Variants in EMP2 observed in about 807,000 individuals in gnomAD.
EMP2 encodes epithelial membrane protein 2.
In EMP2, 19 loss-of-function variants were observed where a neutral mutation model predicts 13.7. The observed-to-expected ratio is 1.38, with a 90% CI of 0.97 to 2.03. The LOEUF (loss-of-function observed/expected upper bound fraction) is 2.03. Among genes scored for constraint, EMP2 ranks in the 30% most tolerant of loss-of-function variants. The pLI, the probability that EMP2 is intolerant of heterozygous loss-of-function variation, is 0.00. For synonymous variants in EMP2, 97 were observed against 84.7 expected (o/e 1.15, Z -0.80); for missense variants, 253 against 220.7 (o/e 1.15, Z -0.93).
rs2050600499 is a variant in EMP2 at position 10,531,343 on chromosome 16, C to CTT, written c.*1560_*1561dup. On this transcript the variant is annotated 3_prime_UTR_variant, in exon 5 of 5. Transcript: ENST00000359543. ...GTAATTAGTTTCTTTTCTTTTTTTTCTTTTTTTGAGATGGAGTCTCACTCT... is the reference window on the plus strand; with the variant it reads ...GTAATTAGTTTCTTTTCTTTTTTTTCTTTTTTTTTGAGATGGAGTCTCACTCT... 1.3e-5 allele frequency: 2 copies of CTT among 150,706 alleles called. No homozygotes were observed. Among genetic ancestry groups the CTT allele is most frequent in the African/African-American group, 4.9e-5 (2 of 40,546 alleles). The allele number at this position is 150,706 out of a possible 1,614,324, so 9.3% of individuals were successfully genotyped here. A position where few individuals can be genotyped will look rare whatever the true frequency, so the allele number is the denominator to read the frequency against.
chr16:10,565,222 G>A (rs903067629), intron 1 of EMP2, among the ~76,000 whole-genome samples: 6 of 152,206 alleles, frequency 3.9e-5, no homozygotes, highest in African/African-American at 1.4e-4. Context: ...CTGGTCCAAC[G>A]AAAGCATCTC....
intron 3 of EMP2, among the ~76,000 whole-genome samples, chr16:10,541,307 G>C (rs2142175574): frequency 6.6e-6 from 1 of 152,226 alleles, no homozygotes; most frequent in South Asian, 2.1e-4. Flanking sequence ...AGTAAAAAAA[G>C]TTGGCAAACT....
chr16:10,576,313 T>C (rs1463817493), intron 1 of EMP2, among the ~76,000 whole-genome samples: 3 of 152,164 alleles, frequency 2.0e-5, no homozygotes, highest in African/African-American at 2.4e-5. Flanking sequence ...CTTTGGTTCT[T>C]ATTTATTCAC....
chr16:10,569,996 C>T (rs987940741), intron 1 of EMP2, among the ~76,000 whole-genome samples: 3 of 152,162 alleles, frequency 2.0e-5, no homozygotes, highest in Non-Finnish European at 4.4e-5. Flanking sequence ...GCCTCCCCTT[C>T]AATGCTCACC....
At chr16:10,556,780 A>G (rs1334125802) in intron 1 of EMP2, among the ~76,000 whole-genome samples, 2 of 152,234 alleles carry the variant, frequency 1.3e-5, no homozygotes, top group Admixed American at 1.3e-4. Flanking sequence ...GTTCTGGGTG[A>G]TTTGCCAAAA....
chr16:10,565,353 G>A (rs2050900467), intron 1 of EMP2, among the ~76,000 whole-genome samples: 1 of 152,144 alleles, frequency 6.6e-6, no homozygotes, highest in Admixed American at 6.6e-5. Flanking sequence ...TCCCTAACGG[G>A]CTATGCCTCA....
At chr16:10,547,855 A>G (rs2050751714) in intron 1 of EMP2, among the ~76,000 whole-genome samples, 178 bp from the exon 2 acceptor site, 1 of 152,126 alleles carries the variant, frequency 6.6e-6, no homozygotes, top group South Asian at 2.1e-4. Context: ...CAACATAGTA[A>G]GACACTGTCT....
intron 1 of EMP2, among the ~76,000 whole-genome samples, chr16:10,564,498 A>C (rs2050894098): frequency 6.6e-6 from 1 of 151,382 alleles, no homozygotes; most frequent in South Asian, 2.1e-4. Flanking sequence ...CTCAAAAAAA[A>C]AAAAAAAAAA....
At chr16:10,540,868 G>A (rs773560341) in intron 3 of EMP2, among the ~76,000 whole-genome samples, 12 of 152,152 alleles carry the variant, frequency 7.9e-5, no homozygotes, top group Non-Finnish European at 1.5e-4. Context: ...TGGGAGAATC[G>A]CTTGAGCTCA....
At chr16:10,557,138 C>T (rs563842279) in intron 1 of EMP2, among the ~76,000 whole-genome samples, 6 of 152,274 alleles carry the variant, frequency 3.9e-5, no homozygotes, top group African/African-American at 1.4e-4. Context: ...GGGCAGATCG[C>T]TTGAGGCCAG....
intron 1 of EMP2, among the ~76,000 whole-genome samples, chr16:10,576,319 T>C (rs1190322628): frequency 2.6e-5 from 4 of 152,178 alleles, no homozygotes; most frequent in Non-Finnish European, 5.9e-5. Flanking sequence ...TTCTTATTTA[T>C]TCACTGCAAA....
At chr16:10,578,736 G>A (rs753633658) in intron 1 of EMP2, among the ~76,000 whole-genome samples, 2 of 152,332 alleles carry the variant, frequency 1.3e-5, no homozygotes, top group Non-Finnish European at 2.9e-5. Flanking sequence ...AGGCTATGTG[G>A]CCAGCCCTCT....
intron 1 of EMP2, among the ~76,000 whole-genome samples, chr16:10,554,961 T>G (rs1302577176): frequency 2.6e-5 from 4 of 152,222 alleles, no homozygotes; most frequent in Non-Finnish European, 1.5e-5. Flanking sequence ...TTGCATGGTC[T>G]GAAAGCATCT....
chr16:10,571,160 G>A (rs1473041586), intron 1 of EMP2, among the ~76,000 whole-genome samples: 1 of 149,036 alleles, frequency 6.7e-6, no homozygotes, highest in Non-Finnish European at 1.5e-5. Flanking sequence ...TGGAGGCTTA[G>A]GCAGGAGAAT....
Position 10,575,229 on chromosome 16 carries a change from C to T in EMP2, c.-61+5320G>A, listed in dbSNP as rs141337602. On this transcript the variant is annotated intron_variant, in intron 1 of 4. Coordinates refer to ENST00000359543, the MANE Select transcript of EMP2 (RefSeq NM_001424.6). The stretch of plus-strand genomic sequence containing the variant: ...ACATCTGGTGGCCTTGGTCCTGGAG[C>T]TTGCATTCTTTTTTTTTTTTTTTTT... Among the ~76,000 whole-genome samples, 274 of 110,844 alleles carry T rather than the reference C, an allele frequency of 2.5e-3. 1 individual carries two copies. Among genetic ancestry groups the T allele is most frequent in the African/African-American group, 8.5e-3 (256 of 30,164 alleles). 72.7% of individuals were successfully genotyped at this position (110,844 alleles called of 152,430 possible). A position where few individuals can be genotyped will look rare whatever the true frequency, so the allele number is the denominator to read the frequency against.
Position 10,532,958 on chromosome 16 carries a change from C to G in EMP2, c.451G>C (p.Ala151Pro), listed in dbSNP as rs143506635. ...ATCATGCCGCTGATGAAGGTGCAGG[C>G]GAAGGCCACCCACGCCAGGATGTAG... Reference protein sequence around the residue: ...YSYILAWVAFACTFISGMMYL... With the variant: ...YSYILAWVAFPCTFISGMMYL... The change falls in exon 5 of 5, where the codon GCC becomes CCC. Residue 151 changes from alanine to proline, a missense_variant. Transcript: ENST00000359543. 554 of 1,608,078 alleles carry G rather than the reference C, an allele frequency of 3.4e-4. No homozygotes were observed. Among genetic ancestry groups the G allele is most frequent in the Non-Finnish European group, 4.5e-4 (524 of 1,177,168 alleles).
intron 1 of EMP2, among the ~76,000 whole-genome samples, chr16:10,555,289 C>T (rs185810427): frequency 7.2e-5 from 11 of 152,274 alleles, no homozygotes; most frequent in Admixed American, 2.0e-4. Flanking sequence ...GCATAACTTT[C>T]GCTGTGGAAT....
At chr16:10,553,293 G>A (rs1378532116) in intron 1 of EMP2, among the ~76,000 whole-genome samples, 1 of 152,212 alleles carries the variant, frequency 6.6e-6, no homozygotes, top group Non-Finnish European at 1.5e-5. Flanking sequence ...CCTCCTTCCA[G>A]AGATATTGAT....
intron 1 of EMP2, among the ~76,000 whole-genome samples, chr16:10,565,498 C>G (rs1299557042): frequency 6.6e-6 from 1 of 152,230 alleles, no homozygotes; most frequent in Non-Finnish European, 1.5e-5. Context: ...CTGGCCCGCC[C>G]TGCAGATTTT....
Sources: gnomAD v4.1 joint callset for allele counts (sites outside exome capture counted in the v4.1 genomes callset) on GRCh38, gnomAD v4.1.1 for gene constraint, MANE v1.5 for transcripts, NCBI Gene and HGNC (gene_info 2026-07-23, HGNC 2026-07-21) for gene names.